Variants in CADPS2 observed in about 807,000 individuals in gnomAD.
CADPS2 encodes the protein calcium dependent secretion activator 2.
A neutral mutation model predicts 172.5 loss-of-function variants in CADPS2; 93 were observed. The observed-to-expected ratio is 0.54, with a 90% CI of 0.46 to 0.64. CADPS2 has a LOEUF of 0.64. Among genes scored for constraint, CADPS2 ranks in the 30% least tolerant of loss-of-function variants. The pLI is 0.00. For synonymous variants in CADPS2, 546 were observed against 555.2 expected (o/e 0.98, Z 0.23); for missense variants, 1,420 against 1,565.9 (o/e 0.91, Z 1.57).
intron 5 of CADPS2, among the ~76,000 whole-genome samples, chr7:122,620,449 G>A (rs1486794900): frequency 2.6e-5 from 4 of 151,882 alleles, no homozygotes; most frequent in African/African-American, 4.8e-5. Context: ...TATGTGTTGT[G>A]GTGTACAAAC....
intron 2 of CADPS2, among the ~76,000 whole-genome samples, chr7:122,716,200 T>C (rs1276185978): frequency 1.3e-5 from 2 of 152,156 alleles, no homozygotes; most frequent in Non-Finnish European, 1.5e-5. Context: ...TATGCATTCA[T>C]TCAGTATGAC....
chr7:122,704,058 T>C (rs1439766766), intron 2 of CADPS2, among the ~76,000 whole-genome samples: 2 of 152,124 alleles, frequency 1.3e-5, no homozygotes, highest in East Asian at 3.9e-4. Context: ...GGTTATCTTC[T>C]ATGTGCTCAG....
intron 2 of CADPS2, among the ~76,000 whole-genome samples, chr7:122,725,417 T>C (rs1322026594): frequency 6.6e-6 from 1 of 151,758 alleles, no homozygotes; most frequent in Non-Finnish European, 1.5e-5. Context: ...ATAGATTGAT[T>C]GATTTAGGGG....
intron 8 of CADPS2, among the ~76,000 whole-genome samples, chr7:122,523,460 A>T (rs2060969938): frequency 6.6e-6 from 1 of 152,186 alleles, no homozygotes; most frequent in East Asian, 1.9e-4. Context: ...TTATATCTCA[A>T]TTAGCAGAAA....
intron 1 of CADPS2, among the ~76,000 whole-genome samples, chr7:122,743,164 C>T (rs1009199905): frequency 6.6e-6 from 1 of 152,014 alleles, no homozygotes; most frequent in Non-Finnish European, 1.5e-5. Context: ...AATATAATTG[C>T]AAACATCTAA....
At position 122,749,540 on chromosome 7, in the gene CADPS2, T is replaced by C. The variant is rs1301839069; in HGVS notation, c.340-12472A>G. 7.2e-5 allele frequency among the ~76,000 whole-genome samples: 11 copies of C among 152,100 alleles called. No homozygotes were observed. In the East Asian group the frequency reaches 2.1e-3, roughly 29 times the overall value. On this transcript the variant is annotated intron_variant, in intron 1 of 29. Coordinates refer to ENST00000449022, the MANE Select transcript of CADPS2 (RefSeq NM_017954.11). ...TGCTCAGTACCTAAAACAGAAACAT[T>C]AGCTGCAACCCACTTTAAAATAATA...
chr7:122,710,009 C>T (rs567063409), intron 2 of CADPS2, among the ~76,000 whole-genome samples: 1 of 149,218 alleles, frequency 6.7e-6, no homozygotes, highest in Non-Finnish European at 1.5e-5. Flanking sequence ...TGTAACTAAC[C>T]TGCACATTGT....
At chr7:122,727,517 C>T (rs1366415002) in intron 2 of CADPS2, among the ~76,000 whole-genome samples, 1 of 151,606 alleles carries the variant, frequency 6.6e-6, no homozygotes, top group Non-Finnish European at 1.5e-5. Flanking sequence ...TAACAGAGGT[C>T]TAGCCCTGCC....
intron 14 of CADPS2, among the ~76,000 whole-genome samples, chr7:122,465,477 C>T (rs957672638): frequency 9.2e-5 from 14 of 152,144 alleles, no homozygotes; most frequent in Admixed American, 8.5e-4. Context: ...GGCAGGCAAG[C>T]GAGTACTGCC....
intron 13 of CADPS2, 141 bp from the exon 14 acceptor site, chr7:122,471,703 G>A (rs760469020): frequency 7.0e-6 from 5 of 716,814 alleles, no homozygotes; most frequent in African/African-American, 1.8e-5. Flanking sequence ...TATGTTTCAT[G>A]AAGAGCTAAT....
At chr7:122,567,384 T>G (rs1306445712) in intron 7 of CADPS2, among the ~76,000 whole-genome samples, 2 of 152,196 alleles carry the variant, frequency 1.3e-5, no homozygotes, top group Admixed American at 6.5e-5. Flanking sequence ...GGCTAGGTTG[T>G]TTGTTTTATT....
intron 1 of CADPS2, among the ~76,000 whole-genome samples, chr7:122,861,219 A>G (rs1205824372): frequency 6.6e-6 from 1 of 152,172 alleles, no homozygotes; most frequent in Non-Finnish European, 1.5e-5. Flanking sequence ...CATTCCCACC[A>G]GCAGTGTTTA....
chr7:122,812,093 A>T (rs1012707832), intron 1 of CADPS2, among the ~76,000 whole-genome samples: 1 of 151,906 alleles, frequency 6.6e-6, no homozygotes, highest in Admixed American at 6.6e-5. Flanking sequence ...AGGACTAAAG[A>T]TTCTACTTGT....
chr7:122,371,786 G>A (rs1426392440), intron 25 of CADPS2, among the ~76,000 whole-genome samples: 1 of 152,138 alleles, frequency 6.6e-6, no homozygotes, highest in Non-Finnish European at 1.5e-5. Flanking sequence ...ATGTGCTTGA[G>A]CAGATTCTAT....
Position 122,835,456 on chromosome 7 carries a change from G to A in CADPS2, c.339+50543C>T, listed in dbSNP as rs577570295. ...GGAGAATGACTTTGACGAGTTGAGAGAAGAAGGCTTCAGATAATCAAACTT... is the reference window on the plus strand; with the variant it reads ...GGAGAATGACTTTGACGAGTTGAGAAAAGAAGGCTTCAGATAATCAAACTT... On this transcript the variant is annotated intron_variant, in intron 1 of 29. Transcript: ENST00000449022. Among the ~76,000 whole-genome samples, 80 of 152,372 alleles carry A rather than the reference G, an allele frequency of 5.3e-4. 1 individual carries two copies. Among genetic ancestry groups the A allele is most frequent in the African/African-American group, 1.9e-3 (79 of 41,592 alleles).
intron 14 of CADPS2, among the ~76,000 whole-genome samples, chr7:122,467,853 G>A (rs540882739): frequency 7.2e-5 from 11 of 152,202 alleles, no homozygotes; most frequent in Middle Eastern, 3.4e-3. Flanking sequence ...AGTCCTCAGC[G>A]GCACTATGGC....
At chr7:122,788,874 T>C (rs1413741356) in intron 1 of CADPS2, among the ~76,000 whole-genome samples, 1 of 152,154 alleles carries the variant, frequency 6.6e-6, no homozygotes, top group Non-Finnish European at 1.5e-5. Flanking sequence ...AGTCCTCAAC[T>C]AGCCACCAGC....
chr7:122,692,008 C>T (rs73220284), intron 2 of CADPS2, among the ~76,000 whole-genome samples: 22,073 of 152,134 alleles, frequency 0.15, 1,658 homozygotes, highest in Non-Finnish European at 0.16. Flanking sequence ...TTGCCAAGTC[C>T]GCATATGGCC....
chr7:122,386,775 C>T (rs1172156752), intron 24 of CADPS2, among the ~76,000 whole-genome samples: 1 of 152,058 alleles, frequency 6.6e-6, no homozygotes, highest in Admixed American at 6.6e-5. Context: ...AATGACACAA[C>T]ACTTCAGCTG....
Sources: allele counts gnomAD v4.1 joint callset (sites outside exome capture counted in the v4.1 genomes callset), GRCh38; gene constraint gnomAD v4.1.1; transcripts MANE v1.5; gene names NCBI Gene and HGNC (gene_info 2026-07-23, HGNC 2026-07-21).